The following RNF6 variants were observed in gnomAD, a reference collection of about 807,000 sequenced individuals.
RNF6 encodes the protein E3 ubiquitin-protein ligase RNF6.
In RNF6, 21 loss-of-function variants were observed where a neutral mutation model predicts 50.1. The ratio of observed to expected loss-of-function variants is 0.42; its 90% CI spans 0.30 to 0.60. The LOEUF is 0.60. Among genes scored for constraint, RNF6 ranks in the 20% least tolerant of loss-of-function variants. The probability of loss-of-function intolerance (pLI) is 0.20; values close to 1 mark genes in which losing one functional copy is unlikely to be tolerated. For missense variants in RNF6, 698 were observed against 838.2 expected (o/e 0.83, Z 2.07); for synonymous variants, 255 against 291.8 (o/e 0.87, Z 1.29).
At chr13:26,147,064 A>G (rs571926611) in intron 5 of RNF6, among the ~76,000 whole-genome samples, 12 of 152,330 alleles carry the variant, frequency 7.9e-5, no homozygotes, top group Non-Finnish European at 1.3e-4. Context: ...TCTTTACACC[A>G]ATGTGAGAAT....
chr13:26,151,324 G>A (rs947935603), intron 5 of RNF6, among the ~76,000 whole-genome samples: 3 of 151,866 alleles, frequency 2.0e-5, no homozygotes, highest in Admixed American at 1.3e-4. Flanking sequence ...GTGCAGTGGT[G>A]CTATCTCAGC....
chr13:26,168,721 G>C (rs1336183932), intron 5 of RNF6, among the ~76,000 whole-genome samples: 1 of 152,206 alleles, frequency 6.6e-6, no homozygotes, highest in Non-Finnish European at 1.5e-5. Flanking sequence ...GCAAACAAAG[G>C]CAGACTCTGG....
intron 4 of RNF6, among the ~76,000 whole-genome samples, chr13:26,218,088 C>T (rs1468764940): frequency 1.3e-5 from 2 of 152,156 alleles, no homozygotes; most frequent in Admixed American, 1.3e-4. Flanking sequence ...ATAGTACTTT[C>T]CTTATAAGAA....
intron 4 of RNF6, among the ~76,000 whole-genome samples, chr13:26,217,267 G>A (rs941253577): frequency 6.6e-6 from 1 of 152,134 alleles, no homozygotes; most frequent in Non-Finnish European, 1.5e-5. Flanking sequence ...CATTTGTTTG[G>A]AAAAAGAATG....
At chr13:26,208,502 T>C (rs1168501638), downstream of RNF6, among the ~76,000 whole-genome samples, 1 of 152,240 alleles carries the variant, frequency 6.6e-6, no homozygotes, top group Non-Finnish European at 1.5e-5. Flanking sequence ...CTTTGTCCCA[T>C]GCACCTTTCT....
chr13:26,189,892 G>T (rs949695114), intron 5 of RNF6, among the ~76,000 whole-genome samples: 9 of 152,104 alleles, frequency 5.9e-5, no homozygotes, highest in African/African-American at 2.2e-4. Flanking sequence ...TTAGCATTTT[G>T]GATTCTTAGA....
intron 5 of RNF6, among the ~76,000 whole-genome samples, chr13:26,168,649 A>G (rs7984239): frequency 0.74 from 113,274 of 152,176 alleles, 42,438 homozygotes; most frequent in East Asian, 0.8. Context: ...TTCACTTTCT[A>G]AATGCCCAAG....
intron 5 of RNF6, among the ~76,000 whole-genome samples, chr13:26,153,404 G>A (rs534147632): frequency 4.5e-4 from 68 of 152,032 alleles, no homozygotes; most frequent in African/African-American, 1.6e-3. Context: ...AGTAGAGACG[G>A]GGTTTCACCA....
intron 5 of RNF6, among the ~76,000 whole-genome samples, chr13:26,203,688 G>A (rs1004961629): frequency 1.3e-5 from 2 of 152,240 alleles, no homozygotes; most frequent in Non-Finnish European, 2.9e-5. Context: ...CAGGCTGGGC[G>A]CAGTGGCTCA....
chr13:26,164,614 A>G (rs1457608716), intron 5 of RNF6, among the ~76,000 whole-genome samples: 1 of 152,100 alleles, frequency 6.6e-6, no homozygotes, highest in East Asian at 1.9e-4. Context: ...ATGTTATACT[A>G]TCATGTTCAG....
chr13:26,144,128 C>A (rs756008518), intron 5 of RNF6, among the ~76,000 whole-genome samples: 12 of 149,542 alleles, frequency 8.0e-5, no homozygotes, highest in Non-Finnish European at 1.8e-4. Context: ...ACATTGGGCA[C>A]TCAGTGACGG....
chr13:26,202,702 TGACA>T (rs1301026179), intron 5 of RNF6, among the ~76,000 whole-genome samples: 5 of 152,214 alleles, frequency 3.3e-5, no homozygotes, highest in Admixed American at 1.3e-4. Context: ...TCAGAAAAGC[TGACA>T]GACAGAGGGT....
At chr13:26,143,550 G>T (rs936553995) in intron 5 of RNF6, among the ~76,000 whole-genome samples, 3 of 152,146 alleles carry the variant, frequency 2.0e-5, no homozygotes, top group Non-Finnish European at 4.4e-5. Flanking sequence ...CTCACTAGGG[G>T]TAATAGCAAG....
chr13:26,169,232 G>A lies in RNF6; in HGVS notation n.769-36781C>T, dbSNP rs1356674321. 4.6e-5 allele frequency among the ~76,000 whole-genome samples: 7 copies of A among 152,150 alleles called. No individual in the cohort carries two copies. The East Asian group carries it at 1.2e-3, about 25-fold the overall frequency. ...TCCCTGCTTCACAGACTCTAGGTGG[G>A]CATCCAGGCTCAGGGAGCCGTGGAG... On this transcript the variant is annotated intron_variant and non_coding_transcript_variant, in intron 5 of 5. Coordinates refer to the RNF6 transcript ENST00000468480.
At chr13:26,132,288 A>G (rs1870430207) in exon 6 of RNF6, 1 of 338,200 alleles carries the variant, frequency 3.0e-6, no homozygotes, top group Non-Finnish European at 5.9e-6. Flanking sequence ...GTTCCATAAA[A>G]GAAAAAAAAC....
At position 26,148,632 on chromosome 13, in the gene RNF6, T is replaced by TA. The variant is rs1427060316; in HGVS notation, n.769-16182_769-16181insT. Among the ~76,000 whole-genome samples, 54 of 47,068 alleles carry TA rather than the reference T, an allele frequency of 1.1e-3. 1 individual carries two copies. In the East Asian group the frequency reaches 0.012, roughly 10 times the overall value. The allele number at this position is 47,068 out of a possible 152,430, so 30.9% of individuals were successfully genotyped here. ...AATAGAAACAATAGTATAAATCTCT[T>TA]TATATATATATATATATATATATAT... On this transcript the variant is annotated intron_variant and non_coding_transcript_variant, in intron 5 of 5. Transcript: ENST00000468480.
chr13:26,181,353 C>T (rs898049260), intron 5 of RNF6, among the ~76,000 whole-genome samples: 4 of 152,190 alleles, frequency 2.6e-5, no homozygotes, highest in African/African-American at 7.2e-5. Context: ...AGGCAGAGGC[C>T]GATCAGGCGT....
intron 5 of RNF6, among the ~76,000 whole-genome samples, chr13:26,188,622 G>GTTTTTTTT (rs1566427058): frequency 2.0e-4 from 11 of 55,938 alleles, no homozygotes; most frequent in African/African-American, 9.5e-4. Context: ...AGTCAAAAGA[G>GTTTTTTTT]CTTTTTTTTT....
chr13:26,200,555 A>G (rs1021808855), intron 5 of RNF6, among the ~76,000 whole-genome samples: 36 of 151,954 alleles, frequency 2.4e-4, no homozygotes, highest in African/African-American at 8.5e-4. Context: ...ACAGGTGCCC[A>G]CCACCACACC....
Sources: gnomAD v4.1 joint callset for allele counts (sites outside exome capture counted in the v4.1 genomes callset) on GRCh38, gnomAD v4.1.1 for gene constraint, MANE v1.5 for transcripts, NCBI Gene and HGNC (gene_info 2026-07-23, HGNC 2026-07-21) for gene names.